The following GNA12 variants were observed in gnomAD, a reference collection of about 807,000 sequenced individuals.
The protein encoded by GNA12 is guanine nucleotide-binding protein subunit alpha-12.
Under a neutral mutation model 26.0 loss-of-function variants are expected in GNA12, and 9 were observed. The observed-to-expected ratio is 0.35, with a 90% CI of 0.21 to 0.60. The LOEUF is 0.60. Ranked by LOEUF, GNA12 falls within the 20% of genes least tolerant of loss-of-function variation. The pLI, the probability that GNA12 is intolerant of heterozygous loss-of-function variation, is 0.78. For missense variants in GNA12, 405 were observed against 525.8 expected (o/e 0.77, Z 2.25); for synonymous variants, 264 against 219.6 (o/e 1.20, Z -1.79).
chr7:2,733,948 C>T lies in GNA12; in HGVS notation c.526-447G>A, dbSNP rs114748895. 1.3e-3 allele frequency among the ~76,000 whole-genome samples: 199 copies of T among 152,360 alleles called. 2 individuals are homozygous for T. The highest frequency in any genetic ancestry group is 4.4e-3 in the African/African-American group (185 of 41,586). The stretch of plus-strand genomic sequence containing the variant: ...CAAGACATTGTCCTTAAAGACAAAA[C>T]ATCCTGACGAAAAGGAGCATCTAGC... On this transcript the variant is annotated intron_variant, in intron 2 of 3. Coordinates refer to ENST00000275364, the MANE Select transcript of GNA12 (RefSeq NM_007353.3).
chr7:2,814,356 A>C, intron 1 of GNA12: 2 of 1,605,404 alleles, frequency 1.2e-6, no homozygotes, highest in Non-Finnish European at 1.7e-6. Context: ...AAACGGCAGC[A>C]CTTTCGGTTT....
chr7:2,767,087 T>G (rs928560040), intron 2 of GNA12, among the ~76,000 whole-genome samples: 1 of 152,242 alleles, frequency 6.6e-6, no homozygotes. Flanking sequence ...ATTGGGTTAT[T>G]TAACTTTGCT....
chr7:2,748,133 T>G (rs968846228), intron 2 of GNA12, among the ~76,000 whole-genome samples: 1 of 151,014 alleles, frequency 6.6e-6, no homozygotes, highest in African/African-American at 2.4e-5. Context: ...TACCAATGAC[T>G]TTCTTCACAG....
At chr7:2,839,881 C>G (rs902590156) in intron 1 of GNA12, among the ~76,000 whole-genome samples, 28 of 152,090 alleles carry the variant, frequency 1.8e-4, no homozygotes, top group Non-Finnish European at 3.8e-4. Context: ...CGCCTGTAAT[C>G]CCAGCTACCT....
rs768463037 is a variant in GNA12 at position 2,731,286 on chromosome 7, G to A, written c.1041C>T (p.Phe347=). The change falls in exon 4 of 4, where the codon TTC becomes TTT. Residue 347 remains phenylalanine (F), a synonymous_variant. Coordinates refer to ENST00000275364, the MANE Select transcript of GNA12 (RefSeq NM_007353.3). The surrounding 1 kb of genome is among the most constrained non-coding windows in gnomAD (Gnocchi z 6.0). ...RKRRNRSKPL[F]HHFTTAIDTE... ...TGTCGATGGCGGTGGTGAAGTGGTG[G>A]AAGAGTGGCTTGCTGCGGTTCCGTC... 2 of 1,612,268 alleles carry A rather than the reference G, an allele frequency of 1.2e-6. No individual in the cohort carries two copies. The highest frequency in any genetic ancestry group is 1.7e-5 in the Admixed American group (1 of 59,922).
intron 2 of GNA12, among the ~76,000 whole-genome samples, chr7:2,754,641 G>T (rs539198458): frequency 1.3e-5 from 2 of 152,118 alleles, no homozygotes; most frequent in East Asian, 3.9e-4. Flanking sequence ...CCAGCTATTA[G>T]GGGAGGCTGG....
intron 1 of GNA12, among the ~76,000 whole-genome samples, chr7:2,799,628 G>T (rs1001350485): frequency 2.6e-5 from 4 of 151,784 alleles, no homozygotes; most frequent in African/African-American, 9.7e-5. Context: ...AATCCAGTTA[G>T]AAAATGGGCA....
intron 2 of GNA12, among the ~76,000 whole-genome samples, chr7:2,748,903 T>C (rs1241049322): frequency 1.3e-5 from 2 of 152,060 alleles, no homozygotes; most frequent in East Asian, 1.9e-4. Flanking sequence ...AAAAGACACA[T>C]GAAAAAATGC....
chr7:2,823,776 C>CA (rs1479221166), intron 1 of GNA12, among the ~76,000 whole-genome samples: 1 of 152,058 alleles, frequency 6.6e-6, no homozygotes, highest in Non-Finnish European at 1.5e-5. Context: ...CTATAAAACC[C>CA]AATGCAAATG....
chr7:2,787,201 G>A (rs1291232716), intron 2 of GNA12, among the ~76,000 whole-genome samples: 2 of 152,150 alleles, frequency 1.3e-5, no homozygotes, highest in African/African-American at 2.4e-5. Flanking sequence ...AATCCCTCCC[G>A]GTTCTAGGGT....
chr7:2,841,589 G>A (rs978718769), intron 1 of GNA12, among the ~76,000 whole-genome samples: 1 of 151,536 alleles, frequency 6.6e-6, no homozygotes, highest in African/African-American at 2.4e-5. Context: ...CTTGGAAAGA[G>A]GTAAAATGAA....
At chr7:2,788,930 C>T (rs1314234147) in intron 2 of GNA12, among the ~76,000 whole-genome samples, 1 of 152,038 alleles carries the variant, frequency 6.6e-6, no homozygotes, top group Non-Finnish European at 1.5e-5. Flanking sequence ...AGCGATTCTC[C>T]TGCCTCAGCC....
At chr7:2,836,158 T>G (rs1408923060) in intron 1 of GNA12, 1 of 225,230 alleles carries the variant, frequency 4.4e-6, no homozygotes, top group Non-Finnish European at 9.2e-6. Flanking sequence ...AATAATGAAC[T>G]GCAGAGGATA....
At chr7:2,841,009 G>C (rs1205753098) in intron 1 of GNA12, among the ~76,000 whole-genome samples, 4 of 152,252 alleles carry the variant, frequency 2.6e-5, no homozygotes, top group African/African-American at 9.6e-5. Context: ...GACACATGAA[G>C]TGAGTTTAAT....
intron 1 of GNA12, among the ~76,000 whole-genome samples, chr7:2,839,178 ACT>A (rs1424356522): frequency 1.3e-5 from 2 of 152,356 alleles, no homozygotes; most frequent in East Asian, 1.9e-4. Context: ...TACACAGTAT[ACT>A]CTCTGTCCAT....
At chr7:2,822,077 G>C (rs1478565038) in intron 1 of GNA12, among the ~76,000 whole-genome samples, 1 of 152,176 alleles carries the variant, frequency 6.6e-6, no homozygotes, top group Non-Finnish European at 1.5e-5. Context: ...GGGTGATTCA[G>C]ATTACCACCA....
At chr7:2,810,915 A>G (rs1793066061) in intron 1 of GNA12, among the ~76,000 whole-genome samples, 1 of 151,732 alleles carries the variant, frequency 6.6e-6, no homozygotes, top group East Asian at 1.9e-4. Context: ...GAAAGAAAGA[A>G]AGAAAGAAAA....
chr7:2,774,181 C>T (rs546933835), intron 2 of GNA12, among the ~76,000 whole-genome samples: 1 of 152,230 alleles, frequency 6.6e-6, no homozygotes, highest in Non-Finnish European at 1.5e-5. Context: ...CGGCAGGTCA[C>T]ACAATCTGCT....
At chr7:2,735,566 G>A (rs1204455003) in intron 2 of GNA12, among the ~76,000 whole-genome samples, 1 of 152,198 alleles carries the variant, frequency 6.6e-6, no homozygotes, top group African/African-American at 2.4e-5. Flanking sequence ...TTCCCTCGGT[G>A]TGAGTCTAAA....
Sources: allele counts gnomAD v4.1 joint callset (sites outside exome capture counted in the v4.1 genomes callset), GRCh38; gene constraint gnomAD v4.1.1; non-coding constraint Gnocchi (gnomAD v3.1); transcripts MANE v1.5; gene names NCBI Gene and HGNC (gene_info 2026-07-23, HGNC 2026-07-21).